Variants in PCDH15 observed in about 807,000 individuals in gnomAD.
PCDH15 encodes the protein protocadherin related 15.
A neutral mutation model predicts 178.5 loss-of-function variants in PCDH15; 129 were observed. That is an observed-to-expected ratio of 0.72 (90% CI 0.63 to 0.84). The LOEUF (loss-of-function observed/expected upper bound fraction) is 0.84. PCDH15 is among the 40% of genes least tolerant of loss of function. The pLI, the probability that PCDH15 is intolerant of heterozygous loss-of-function variation, is 0.00. For missense variants in PCDH15, 2,230 were observed against 2,099.9 expected, an observed-to-expected ratio of 1.06 and a Z score of -1.21; for synonymous variants, 800 against 732.0, an observed-to-expected ratio of 1.09 and a Z score of -1.50.
chr10:53,841,978 C>T (rs1043227787), intron 28 of PCDH15, among the ~76,000 whole-genome samples: 2 of 146,866 alleles, frequency 1.4e-5, no homozygotes, highest in South Asian at 2.2e-4. Flanking sequence ...ACCCCGGGAA[C>T]CTGAAGATAA....
At chr10:55,100,509 C>T (rs1369642398) in intron 2 of PCDH15, among the ~76,000 whole-genome samples, 1 of 152,008 alleles carries the variant, frequency 6.6e-6, no homozygotes, top group Non-Finnish European at 1.5e-5. Context: ...GCAGACTGTA[C>T]AAAACACATG....
In PCDH15 at chr10:54,758,918, C is replaced by T. The variant is rs1591487481; in HGVS notation, c.-29+42007G>A. Among the ~76,000 whole-genome samples, 3 of 152,152 alleles carry T rather than the reference C, an allele frequency of 2.0e-5. No homozygotes were observed. In the South Asian group the frequency reaches 6.2e-4, roughly 32 times the overall value. On this transcript the variant is annotated intron_variant, in intron 1 of 37. Transcript: ENST00000644397. Reference sequence around the variant, plus strand: ...TTTTTCTGACTTATGCCTGTATTTTCTTTTATCTTTGCCTCCTATAGGTCT... The same window carrying T: ...TTTTTCTGACTTATGCCTGTATTTTTTTTTATCTTTGCCTCCTATAGGTCT...
chr10:54,355,120 C>CAAAAAAAAAAAA (rs770404490), intron 5 of PCDH15, among the ~76,000 whole-genome samples: 9 of 69,832 alleles, frequency 1.3e-4, no homozygotes, highest in Admixed American at 2.1e-4. Flanking sequence ...AGGAGGATTG[C>CAAAAAAAAAAAA]AAAAAAAAAA....
At chr10:55,519,958 G>A (rs558108464) in intron 2 of PCDH15, among the ~76,000 whole-genome samples, 4 of 149,792 alleles carry the variant, frequency 2.7e-5, no homozygotes, top group African/African-American at 7.3e-5. Flanking sequence ...AGTCAGTAAC[G>A]CGGGATAAAT....
chr10:54,547,605 G>C (rs1225402051), intron 2 of PCDH15, among the ~76,000 whole-genome samples: 6 of 152,082 alleles, frequency 3.9e-5, no homozygotes, highest in Non-Finnish European at 7.4e-5. Flanking sequence ...CCATACTGAT[G>C]TATATACCTT....
chr10:55,010,235 T>C (rs1840019383), intron 2 of PCDH15, among the ~76,000 whole-genome samples: 1 of 151,878 alleles, frequency 6.6e-6, no homozygotes, highest in African/African-American at 2.4e-5. Context: ...AATAAATACA[T>C]TGATGGAGTT....
intron 1 of PCDH15, among the ~76,000 whole-genome samples, chr10:55,209,926 G>A (rs1840516054): frequency 1.3e-5 from 2 of 151,972 alleles, no homozygotes; most frequent in Non-Finnish European, 2.9e-5. Flanking sequence ...GGAGACAGAG[G>A]AGGAACAAGT....
intron 17 of PCDH15, among the ~76,000 whole-genome samples, chr10:54,075,124 T>C (rs1280858612): frequency 3.9e-5 from 6 of 152,164 alleles, no homozygotes; most frequent in Non-Finnish European, 7.3e-5. Context: ...ACACCTGTAA[T>C]CCCAGCACTT....
chr10:53,925,363 C>T (rs1377050916), intron 25 of PCDH15, among the ~76,000 whole-genome samples: 8 of 152,194 alleles, frequency 5.3e-5, no homozygotes, highest in Non-Finnish European at 1.2e-4. Context: ...CAGTTTCACT[C>T]CTGAAGCCAG....
At position 55,184,038 on chromosome 10, in the gene PCDH15, G is replaced by T. The variant is rs141207916; in HGVS notation, c.-155-17387C>A. Among the ~76,000 whole-genome samples the T allele has an allele frequency of 1.9e-3, 282 of 152,020 alleles. 1 individual carries two copies. Among genetic ancestry groups the T allele is most frequent in the African/African-American group, 6.3e-3 (263 of 41,514 alleles). ...ACCTCTCTTTTTCTGATGCTTTCCAGGAGCCGTATAACTCTTGGTAATATT... is the reference window on the plus strand; with the variant it reads ...ACCTCTCTTTTTCTGATGCTTTCCATGAGCCGTATAACTCTTGGTAATATT... On this transcript the variant is annotated intron_variant, in intron 1 of 5. Transcript: ENST00000458638.
intron 2 of PCDH15, among the ~76,000 whole-genome samples, chr10:55,032,274 C>T (rs1448652672): frequency 2.6e-5 from 4 of 152,314 alleles, no homozygotes; most frequent in Admixed American, 6.5e-5. Context: ...GCTAGGCTGT[C>T]TGTGTCCTAG....
At position 54,449,113 on chromosome 10, in the gene PCDH15, T is replaced by C. The variant is rs149367424; in HGVS notation, c.158-70171A>G. 3.5e-3 allele frequency among the ~76,000 whole-genome samples: 536 copies of C among 151,854 alleles called. 4 individuals carry two copies. Among genetic ancestry groups the C allele is most frequent in the African/African-American group, 0.012 (513 of 41,490 alleles). The stretch of plus-strand genomic sequence containing the variant: ...TTCAAACCATTTAAATCCTGAACTA[T>C]TGGGGCTGAGGGTAAGGGACTCACT... On this transcript the variant is annotated intron_variant, in intron 3 of 37. Transcript: ENST00000644397.
chr10:55,275,284 T>C (rs1842560016), intron 1 of PCDH15, among the ~76,000 whole-genome samples: 1 of 152,054 alleles, frequency 6.6e-6, no homozygotes, highest in African/African-American at 2.4e-5. Context: ...AACTTCTATT[T>C]CTACTCCCAC....
intron 3 of PCDH15, among the ~76,000 whole-genome samples, chr10:54,464,313 T>C (rs1191220208): frequency 2.0e-5 from 3 of 152,088 alleles, no homozygotes; most frequent in East Asian, 1.9e-4. Flanking sequence ...TTGAAGAGTA[T>C]AGAATTAAGT....
intron 28 of PCDH15, among the ~76,000 whole-genome samples, chr10:53,851,904 T>C (rs1174698319): frequency 1.3e-5 from 2 of 151,642 alleles, no homozygotes; most frequent in Non-Finnish European, 2.9e-5. Flanking sequence ...CTCTTCCTCA[T>C]CAAGTCAGTA....
chr10:54,794,804 TAA>T (rs1434502627), intron 1 of PCDH15, among the ~76,000 whole-genome samples: 1 of 151,848 alleles, frequency 6.6e-6, no homozygotes, highest in Admixed American at 6.6e-5. Flanking sequence ...AGTAGGAAAA[TAA>T]ACATTCAAAC....
chr10:54,211,143 T>C (rs964740663), intron 10 of PCDH15, among the ~76,000 whole-genome samples: 14 of 152,124 alleles, frequency 9.2e-5, no homozygotes, highest in African/African-American at 3.4e-4. Flanking sequence ...TAATTCACTC[T>C]TACCAGAGTT....
chr10:55,215,172 A>G (rs1202957188), intron 1 of PCDH15, among the ~76,000 whole-genome samples: 1 of 152,144 alleles, frequency 6.6e-6, no homozygotes, highest in Non-Finnish European at 1.5e-5. Flanking sequence ...TAAGACAAAT[A>G]CAACAATGAA....
chr10:54,674,004 G>A (rs906839419), intron 1 of PCDH15, among the ~76,000 whole-genome samples: 1 of 152,018 alleles, frequency 6.6e-6, no homozygotes, highest in African/African-American at 2.4e-5. Flanking sequence ...TATCAGAGGG[G>A]TCATATTTCA....
Sources: gnomAD v4.1 joint callset for allele counts (sites outside exome capture counted in the v4.1 genomes callset) on GRCh38, gnomAD v4.1.1 for gene constraint, MANE v1.5 for transcripts, NCBI Gene and HGNC (gene_info 2026-07-23, HGNC 2026-07-21) for gene names.